The following PRDM16 variants were observed in gnomAD, a reference collection of about 807,000 sequenced individuals.
PRDM16 encodes the protein histone-lysine N-methyltransferase PRDM16.
A neutral mutation model predicts 110.6 loss-of-function variants in PRDM16; 23 were observed. The ratio of observed to expected loss-of-function variants is 0.21; its 90% CI spans 0.15 to 0.29. The LOEUF (loss-of-function observed/expected upper bound fraction) is 0.29. Among genes scored for constraint, PRDM16 ranks in the 10% least tolerant of loss-of-function variants. The pLI, the probability that PRDM16 is intolerant of heterozygous loss-of-function variation, is 1.00. For missense variants in PRDM16, 1,615 were observed against 1,794.3 expected (o/e 0.90, Z 1.81); for synonymous variants, 799 against 781.8 (o/e 1.02, Z -0.37).
At chr1:3,194,265 T>C (rs1471763352) in intron 2 of PRDM16, among the ~76,000 whole-genome samples, 1 of 152,160 alleles carries the variant, frequency 6.6e-6, no homozygotes, top group Non-Finnish European at 1.5e-5. Context: ...TCATCTCAGG[T>C]CCTGCAGAGG....
chr1:3,202,338 T>G (rs1412186454), intron 2 of PRDM16, among the ~76,000 whole-genome samples: 1 of 23,608 alleles, frequency 4.2e-5, no homozygotes, highest in African/African-American at 1.6e-4. Flanking sequence ...TCCTTCATGC[T>G]GGGGGAGTCT....
chr1:3,389,609 C>T (rs1192466211), intron 4 of PRDM16, among the ~76,000 whole-genome samples: 1 of 152,314 alleles, frequency 6.6e-6, no homozygotes, highest in East Asian at 1.9e-4. Context: ...TTCCTGGGCC[C>T]GGCCCTGTTG....
At chr1:3,311,114 G>A (rs1557598531) in intron 3 of PRDM16, among the ~76,000 whole-genome samples, 1 of 152,320 alleles carries the variant, frequency 6.6e-6, no homozygotes, top group East Asian at 1.9e-4. Flanking sequence ...GCCTGTGAGA[G>A]CAGTGAGGTG....
intron 3 of PRDM16, among the ~76,000 whole-genome samples, chr1:3,330,774 G>A (rs758682998): frequency 2.6e-5 from 4 of 152,208 alleles, no homozygotes; most frequent in Non-Finnish European, 5.9e-5. Context: ...AAGCGAGGGC[G>A]AGTCAGACCC....
intron 1 of PRDM16, among the ~76,000 whole-genome samples, chr1:3,147,461 C>T (rs141886640): frequency 5.3e-5 from 8 of 152,182 alleles, no homozygotes; most frequent in African/African-American, 7.2e-5. Flanking sequence ...CTGTGCTGTC[C>T]GCCTGTGCTG....
At chr1:3,164,677 C>T (rs2075968) in intron 1 of PRDM16, among the ~76,000 whole-genome samples, 34,394 of 152,000 alleles carry the variant, frequency 0.23, 4,008 homozygotes, top group Admixed American at 0.29. Flanking sequence ...GGCTAGGAGG[C>T]GGCGTGGTCG....
intron 12 of PRDM16, among the ~76,000 whole-genome samples, chr1:3,419,879 C>T (rs1205758810): frequency 2.0e-5 from 3 of 151,880 alleles, no homozygotes; most frequent in Admixed American, 1.3e-4. Flanking sequence ...ATACCACTTA[C>T]GGGTCATCTG....
At chr1:3,296,425 G>T (rs1053471534) in intron 3 of PRDM16, among the ~76,000 whole-genome samples, 1 of 152,392 alleles carries the variant, frequency 6.6e-6, no homozygotes, top group South Asian at 2.1e-4. Flanking sequence ...GGGGCCGGGG[G>T]CAGAGGTAGG....
rs1196807828 is a variant in PRDM16, at chr1:3,265,526, G to A, written c.438+21389G>A. ...CGCTGCCAGGAGAAGGCAGATGCAG[G>A]GATGTGTGACTCAAGGGACCCATCC... On this transcript the variant is annotated intron_variant, in intron 3 of 16. Transcript: ENST00000270722. This position sits in a 1 kb window ranked among gnomAD's most constrained non-coding sequence, Gnocchi z 4.5. 1.3e-5 allele frequency among the ~76,000 whole-genome samples: 2 copies of A among 152,072 alleles called. No homozygotes were observed. Among genetic ancestry groups the A allele is most frequent in the Non-Finnish European group, 2.9e-5 (2 of 68,000 alleles).
At chr1:3,346,532 C>T (rs1298238629) in intron 3 of PRDM16, among the ~76,000 whole-genome samples, 2 of 152,222 alleles carry the variant, frequency 1.3e-5, no homozygotes, top group Non-Finnish European at 1.5e-5. Context: ...CCTCTCTGCT[C>T]ACCCTGCTGT....
In PRDM16 at chr1:3,181,126, A is replaced by ACACGCGGCCTTACACACGCG. The variant is rs1557508040; in HGVS notation, c.38-4999_38-4998insCACGCGGCCTTACACACGCG. Among the ~76,000 whole-genome samples the ACACGCGGCCTTACACACGCG allele has an allele frequency of 2.0e-4, 25 of 127,824 alleles. 1 individual carries two copies. Among genetic ancestry groups the ACACGCGGCCTTACACACGCG allele is most frequent in the African/African-American group, 7.3e-4 (25 of 34,098 alleles). 83.9% of individuals were successfully genotyped at this position (127,824 alleles called of 152,430 possible). ...GTCTTACACGCGGCCTTACACACGC[A>ACACGCGGCCTTACACACGCG]GTCTTACACGCGGTCTTACACACGC... On this transcript the variant is annotated intron_variant, in intron 1 of 16. Coordinates refer to ENST00000270722, the MANE Select transcript of PRDM16 (RefSeq NM_022114.4).
chr1:3,097,235 T>C (rs981260921), intron 1 of PRDM16, among the ~76,000 whole-genome samples: 3 of 152,162 alleles, frequency 2.0e-5, no homozygotes, highest in Admixed American at 1.3e-4. Context: ...TTTTGGTCTC[T>C]GACGGGTCAT....
At chr1:3,114,488 G>T (rs376872048) in intron 1 of PRDM16, among the ~76,000 whole-genome samples, 1 of 142,458 alleles carries the variant, frequency 7.0e-6, no homozygotes, top group Non-Finnish European at 1.5e-5. Context: ...AGACACGCAC[G>T]CACGCACACA....
At chr1:3,160,170 G>A (rs934994362) in intron 1 of PRDM16, among the ~76,000 whole-genome samples, 3 of 152,248 alleles carry the variant, frequency 2.0e-5, no homozygotes, top group Non-Finnish European at 4.4e-5. Flanking sequence ...AGCTGGGTGG[G>A]CCCTGTGGGG....
intron 6 of PRDM16, among the ~76,000 whole-genome samples, chr1:3,404,174 CG>C (rs1396305509): frequency 6.6e-6 from 1 of 152,114 alleles, no homozygotes; most frequent in Non-Finnish European, 1.5e-5. Flanking sequence ...CAAGGGAAGC[CG>C]GGGGTCCCCC....
chr1:3,430,809 TG>T, intron 14 of PRDM16, 62 bp from the exon 15 acceptor site: 13 of 1,587,440 alleles, frequency 8.2e-6, no homozygotes, highest in Non-Finnish European at 9.5e-6. Flanking sequence ...CACCAGCCTT[TG>T]GGGGTCCATG....
chr1:3,221,591 G>A (rs747372844), intron 2 of PRDM16, among the ~76,000 whole-genome samples: 2 of 152,208 alleles, frequency 1.3e-5, no homozygotes, highest in Non-Finnish European at 2.9e-5. Context: ...CATGCACTGC[G>A]CTTGCTTGGA....
rs200444724 is a variant in PRDM16 at position 3,409,194 on chromosome 1, TGA to T, written c.1187-2186_1187-2185del. ...GCACGTGAGTTGGTGCGTGTGTGTGTGAGAGTGTGGGCGCGTGAGTTGGTGCG... is the reference window on the plus strand; with the variant it reads ...GCACGTGAGTTGGTGCGTGTGTGTGTGAGTGTGGGCGCGTGAGTTGGTGCG... On this transcript the variant is annotated intron_variant, in intron 8 of 16. Transcript: ENST00000270722. 2.6e-4 allele frequency among the ~76,000 whole-genome samples: 39 copies of T among 147,934 alleles called. No homozygotes were observed. The East Asian group carries it at 2.9e-3, about 11-fold the overall frequency.
rs999396387 is a variant in PRDM16 at position 3,081,701 on chromosome 1, C to T, written c.37+12405C>T. Among the ~76,000 whole-genome samples, 1 of 152,148 alleles carries T rather than the reference C, an allele frequency of 6.6e-6. No individual in the cohort carries two copies. ...CCTGGCCACACAGCCGCTTCCCACC[C>T]CTGGGTGTCGGTCACTAGAGAGTGG... On this transcript the variant is annotated intron_variant, in intron 1 of 16. Transcript: ENST00000270722. The surrounding 1 kb of genome is among the most constrained non-coding windows in gnomAD (Gnocchi z 4.6).
Sources: allele counts gnomAD v4.1 joint callset (sites outside exome capture counted in the v4.1 genomes callset), GRCh38; gene constraint gnomAD v4.1.1; non-coding constraint Gnocchi (gnomAD v3.1); transcripts MANE v1.5; gene names NCBI Gene and HGNC (gene_info 2026-07-23, HGNC 2026-07-21).